ZMYND11: variants seen among roughly 807,000 people sequenced by gnomAD.
ZMYND11 encodes zinc finger MYND-type containing 11.
ZMYND11 carries 9 observed loss-of-function variants against 84.9 expected under a neutral mutation model. The ratio of observed to expected loss-of-function variants is 0.11; its 90% CI spans 0.06 to 0.18. ZMYND11 has a LOEUF of 0.18. ZMYND11 is among the 10% of genes least tolerant of loss of function. ZMYND11 has a pLI of 1.00. For synonymous variants in ZMYND11, 250 were observed against 244.1 expected, an observed-to-expected ratio of 1.02 and a Z score of -0.23; for missense variants, 409 against 761.0, an observed-to-expected ratio of 0.54 and a Z score of 5.44.
upstream of ZMYND11, among the ~76,000 whole-genome samples, chr10:133,821 T>G (rs1835396712): frequency 6.6e-6 from 1 of 152,186 alleles, no homozygotes; most frequent in Non-Finnish European, 1.5e-5. Context: ...TTACAATTAT[T>G]CTGTGATGTT....
At chr10:171,623 T>G (rs1845342772) in intron 1 of ZMYND11, among the ~76,000 whole-genome samples, 1 of 152,180 alleles carries the variant, frequency 6.6e-6, no homozygotes, top group Admixed American at 6.6e-5. Flanking sequence ...AAAAATAGTT[T>G]ATCAAAATCA....
At chr10:178,906 A>G (rs879772692) in intron 1 of ZMYND11, among the ~76,000 whole-genome samples, 2 of 152,172 alleles carry the variant, frequency 1.3e-5, no homozygotes, top group Non-Finnish European at 2.9e-5. Context: ...GTGAAGAAAC[A>G]CAGAGGTAGA....
At chr10:158,425 T>TA (rs1221892831) in intron 1 of ZMYND11, among the ~76,000 whole-genome samples, 5 of 151,178 alleles carry the variant, frequency 3.3e-5, no homozygotes, top group African/African-American at 1.2e-4. Context: ...TTTTTTTTTT[T>TA]TTTTTTATTT....
chr10:139,238 A>G (rs782155010), intron 1 of ZMYND11, among the ~76,000 whole-genome samples: 6 of 152,134 alleles, frequency 3.9e-5, no homozygotes, highest in Admixed American at 6.5e-5. Context: ...TCTGTTTTTC[A>G]TATCTGGCAC....
At chr10:247,037 C>T (rs1194264294) in intron 11 of ZMYND11, 64 bp downstream of exon 11, 5 of 1,411,886 alleles carry the variant, frequency 3.5e-6, no homozygotes, top group Admixed American at 3.9e-5. Context: ...AATCTTAGTG[C>T]ACACTCCTCA....
At position 163,704 on chromosome 10, in the gene ZMYND11, G is replaced by T. The variant is rs1216850760; in HGVS notation, c.-19-16290G>T. Among the ~76,000 whole-genome samples the T allele has an allele frequency of 9.9e-5, 15 of 151,902 alleles. 1 individual carries two copies. In the South Asian group the frequency reaches 2.7e-3, roughly 27 times the overall value. Reference sequence around the variant, plus strand: ...AACCTTTACCCTCTTCTGTTTGCCTGATGTGTCCTCTTTCTTTATTGAGAA... The same window carrying T: ...AACCTTTACCCTCTTCTGTTTGCCTTATGTGTCCTCTTTCTTTATTGAGAA... On this transcript the variant is annotated intron_variant, in intron 1 of 14. Transcript: ENST00000381604.
chr10:198,073 A>G, intron 2 of ZMYND11: 1 of 480,564 alleles, frequency 2.1e-6, no homozygotes, highest in East Asian at 3.4e-5. Context: ...AAAAAGATTC[A>G]AGCAAGCTGT....
At chr10:217,229 A>G (rs111912135) in intron 3 of ZMYND11, among the ~76,000 whole-genome samples, 1,615 of 152,292 alleles carry the variant, frequency 0.011, 23 homozygotes, top group African/African-American at 0.036. Context: ...TTCTTGCTCT[A>G]TCTAGCATAT....
intron 1 of ZMYND11, among the ~76,000 whole-genome samples, chr10:155,688 TC>T (rs1425831054): frequency 6.6e-6 from 1 of 152,234 alleles, no homozygotes; most frequent in Non-Finnish European, 1.5e-5. Flanking sequence ...TTTTTGCACT[TC>T]TGGTTTTGGC....
intron 1 of ZMYND11, among the ~76,000 whole-genome samples, chr10:176,509 A>G (rs1345559720): frequency 6.6e-6 from 1 of 152,204 alleles, no homozygotes; most frequent in Non-Finnish European, 1.5e-5. Flanking sequence ...AGTGAATTTA[A>G]TAATTTTATA....
intron 3 of ZMYND11, among the ~76,000 whole-genome samples, chr10:214,291 T>C (rs142728019): frequency 3.3e-5 from 5 of 152,274 alleles, no homozygotes; most frequent in Non-Finnish European, 7.4e-5. Context: ...TGCTCAAATA[T>C]TAGTCAAGCA....
rs1411396570 is a variant in ZMYND11 at position 242,258 on chromosome 10, A to AT, written c.950+121dup. 1.2e-5 allele frequency: 16 copies of AT among 1,368,224 alleles called. No homozygotes were observed. In the East Asian group the frequency reaches 3.7e-4, roughly 32 times the overall value. 84.8% of individuals were successfully genotyped at this position (1,368,224 alleles called of 1,614,324 possible). A position where few individuals can be genotyped will look rare whatever the true frequency, so the allele number is the denominator to read the frequency against. ...ATTTTAAATTGGAAAAAAAAAACAC[A>AT]TTATGCATCCAAGAATACGTTCCAA... On this transcript the variant is annotated intron_variant, in intron 10 of 14. Transcript: ENST00000381604.
At chr10:157,715 A>G (rs1842033363) in intron 1 of ZMYND11, among the ~76,000 whole-genome samples, 1 of 152,212 alleles carries the variant, frequency 6.6e-6, no homozygotes, top group South Asian at 2.1e-4. Context: ...TTGCTTGAAC[A>G]AAGTGACAGG....
chr10:162,960 C>T (rs782498890), intron 1 of ZMYND11, among the ~76,000 whole-genome samples: 3 of 152,126 alleles, frequency 2.0e-5, no homozygotes, highest in African/African-American at 7.2e-5. Flanking sequence ...TCCCTGCCTT[C>T]TTCTGTGTTG....
intron 1 of ZMYND11, among the ~76,000 whole-genome samples, chr10:138,509 C>G (rs1186679767): frequency 6.6e-6 from 1 of 152,118 alleles, no homozygotes; most frequent in African/African-American, 2.4e-5. Flanking sequence ...TGAGTTTTTT[C>G]TTCTTAGGGT....
upstream of ZMYND11, chr10:135,191 G>T (rs1247484947): frequency 2.6e-5 from 4 of 151,192 alleles, no homozygotes; most frequent in African/African-American, 7.2e-5. This position sits in a 1 kb window ranked among gnomAD's most constrained non-coding sequence, Gnocchi z 5.6. Flanking sequence ...CGCGGCGCCA[G>T]GGGAAGACGC....
intron 4 of ZMYND11, among the ~76,000 whole-genome samples, chr10:235,222 G>C (rs918955445): frequency 1.3e-5 from 2 of 152,102 alleles, no homozygotes; most frequent in East Asian, 1.9e-4. Flanking sequence ...TTAATAACTA[G>C]AGTTCAATGT....
intron 8 of ZMYND11, 122 bp from the exon 9 acceptor site, chr10:240,763 CTTAAAAGA>C (rs1950755909): frequency 4.2e-6 from 3 of 722,160 alleles, no homozygotes; most frequent in Non-Finnish European, 6.6e-6. Context: ...AAAATTTAGG[CTTAAAAGA>C]TTAAGAAACA....
intron 1 of ZMYND11, among the ~76,000 whole-genome samples, chr10:149,714 T>C (rs545471989): frequency 4.6e-5 from 7 of 152,360 alleles, no homozygotes; most frequent in African/African-American, 1.7e-4. Context: ...TTATACTTTA[T>C]CCAGTCTCAC....
Sources: allele counts gnomAD v4.1 joint callset (sites outside exome capture counted in the v4.1 genomes callset), GRCh38; gene constraint gnomAD v4.1.1; non-coding constraint Gnocchi (gnomAD v3.1); transcripts MANE v1.5; gene names NCBI Gene and HGNC (gene_info 2026-07-23, HGNC 2026-07-21).